Variants in CDC14B observed in about 807,000 individuals in gnomAD.
CDC14B encodes the protein cell division cycle 14B.
CDC14B carries 22 observed loss-of-function variants against 64.2 expected under a neutral mutation model. That is an observed-to-expected ratio of 0.34 (90% confidence interval 0.24 to 0.49). The LOEUF (loss-of-function observed/expected upper bound fraction) is 0.49, where lower values mean the gene tolerates loss of function less well. Ranked by LOEUF, CDC14B falls within the 20% of genes least tolerant of loss-of-function variation. The probability of loss-of-function intolerance (pLI) is 0.99; values close to 1 mark genes in which losing one functional copy is unlikely to be tolerated. For synonymous variants in CDC14B, 191 were observed against 215.8 expected, an observed-to-expected ratio of 0.89 and a Z score of 1.01; for missense variants, 498 against 629.9, an observed-to-expected ratio of 0.79 and a Z score of 2.24.
At chr9:96,517,123 T>C (rs1339244389) in intron 12 of CDC14B, among the ~76,000 whole-genome samples, 4 of 143,972 alleles carry the variant, frequency 2.8e-5, no homozygotes, top group Non-Finnish European at 4.6e-5. Flanking sequence ...GTGGATCACC[T>C]GAGGTCAGGA....
intron 9 of CDC14B, among the ~76,000 whole-genome samples, chr9:96,530,814 G>T (rs776035690): frequency 7.0e-4 from 107 of 152,060 alleles, no homozygotes; most frequent in Non-Finnish European, 1.4e-3. Flanking sequence ...TTCACATACG[G>T]TTCTTATGTT....
At chr9:96,557,811 CAAAGT>C (rs1246811597) in intron 4 of CDC14B, among the ~76,000 whole-genome samples, 1 of 152,102 alleles carries the variant, frequency 6.6e-6, no homozygotes, top group Admixed American at 6.5e-5. Flanking sequence ...TTAGCTCTAC[CAAAGT>C]AATCTATTAA....
Position 96,515,653 on chromosome 9 carries a change from GCTAT to G in CDC14B, c.1344-5868_1344-5865del, listed in dbSNP as rs1174955344. 6.4e-7 allele frequency: 1 copy of G among 1,570,136 alleles called. No homozygotes were observed. The highest frequency in any genetic ancestry group is 8.6e-7 in the Non-Finnish European group (1 of 1,158,110). On this transcript the variant is annotated intron_variant, in intron 12 of 13. Coordinates refer to ENST00000375241, the MANE Select transcript of CDC14B (RefSeq NM_033331.4). This position sits in a 1 kb window ranked among gnomAD's most constrained non-coding sequence, Gnocchi z 4.3. Reference sequence around the variant, plus strand: ...GAAACAGAACGGGACACTTACAGCAGCTATCTGTCAGGGGGTCCTGATGGCTACT... The same window carrying G: ...GAAACAGAACGGGACACTTACAGCAGCTGTCAGGGGGTCCTGATGGCTACT...
Position 96,534,534 on chromosome 9 carries a change from T to C in CDC14B, c.636A>G (p.Glu212=). The C allele has an allele frequency of 6.2e-7, 1 of 1,611,256 alleles. No individual in the cohort carries two copies. Among genetic ancestry groups the C allele is most frequent in the Non-Finnish European group, 8.5e-7 (1 of 1,177,534 alleles). Residue 212 remains glutamate (E), a synonymous_variant, in exon 8 of 14, where the codon GAA becomes GAG. Coordinates refer to ENST00000375241, the MANE Select transcript of CDC14B (RefSeq NM_033331.4). The part of the protein sequence containing the change: ...LDEYEHYEKA[E]NGDLNWIIPD... ...GTATTATCCAATTTAAATCTCCATT[T>C]TCTGCTTTCTGCAAGGGGAAGACCA...
chr9:96,494,259 G>T (rs1216069466), intron 13 of CDC14B, among the ~76,000 whole-genome samples: 1 of 152,246 alleles, frequency 6.6e-6, no homozygotes, highest in Non-Finnish European at 1.5e-5. Flanking sequence ...CTTGGGCAAA[G>T]CTGTTAGGAG....
chr9:96,600,337 G>C (rs1846352588), intron 1 of CDC14B, among the ~76,000 whole-genome samples: 1 of 151,896 alleles, frequency 6.6e-6, no homozygotes, highest in Admixed American at 6.6e-5. Flanking sequence ...GGGGTAAGAA[G>C]AACTGGACAG....
chr9:96,541,748 C>CG, intron 6 of CDC14B, 78 bp downstream of exon 6: 2 of 960,690 alleles, frequency 2.1e-6, no homozygotes, highest in South Asian at 4.5e-5. Context: ...AAAAAGATCT[C>CG]GGGAAGAAGG....
chr9:96,495,391 G>GCC (rs71499002), downstream of CDC14B, among the ~76,000 whole-genome samples: 728 of 140,140 alleles, frequency 5.2e-3, 8 homozygotes, highest in East Asian at 0.011. Flanking sequence ...CATGTGTGCT[G>GCC]CCCCCCCCCG....
At chr9:96,568,350 G>A (rs991502282) in intron 1 of CDC14B, among the ~76,000 whole-genome samples, 3 of 152,082 alleles carry the variant, frequency 2.0e-5, no homozygotes, top group Non-Finnish European at 4.4e-5. Flanking sequence ...ATACATAAAC[G>A]AAATCAAGAG....
chr9:96,515,632 C>T lies in CDC14B; in HGVS notation c.1344-5843G>A. ...CCAGAAGTAAGCAACGGCAGAGAAA[C>T]AGAACGGGACACTTACAGCAGCTAT... On this transcript the variant is annotated intron_variant, in intron 12 of 13. Transcript: ENST00000375241. The surrounding 1 kb of genome is among the most constrained non-coding windows in gnomAD (Gnocchi z 4.3). The T allele has an allele frequency of 6.4e-7, 1 of 1,550,388 alleles. No individual in the cohort carries two copies. Among genetic ancestry groups the T allele is most frequent in the Non-Finnish European group, 8.7e-7 (1 of 1,147,836 alleles).
chr9:96,527,994 C>T (rs554559821), intron 9 of CDC14B, among the ~76,000 whole-genome samples: 14 of 152,316 alleles, frequency 9.2e-5, no homozygotes, highest in African/African-American at 2.6e-4. Flanking sequence ...CTTTCTCTTA[C>T]CCCAAGTATC....
intron 1 of CDC14B, chr9:96,567,042 C>T: frequency 7.5e-6 from 9 of 1,203,958 alleles, no homozygotes; most frequent in Non-Finnish European, 1.0e-5. Context: ...GCCGTGGGGA[C>T]GGACAGCACC....
intron 1 of CDC14B, chr9:96,618,598 G>T: frequency 1.9e-6 from 1 of 532,764 alleles, no homozygotes; most frequent in Non-Finnish European, 3.8e-6. Flanking sequence ...CGAGGCCCCG[G>T]CGGGGAGCGG....
intron 1 of CDC14B, among the ~76,000 whole-genome samples, chr9:96,590,650 G>GTT (rs111524053): frequency 5.3e-4 from 74 of 140,908 alleles, no homozygotes; most frequent in African/African-American, 1.7e-3. Flanking sequence ...TTATTTCCTG[G>GTT]TTTTTTTTTT....
At chr9:96,528,522 A>C (rs1468076172) in intron 9 of CDC14B, among the ~76,000 whole-genome samples, 2 of 132,902 alleles carry the variant, frequency 1.5e-5, no homozygotes, top group African/African-American at 8.5e-5. Context: ...AGTCCATCTC[A>C]AAAAAAAGAA....
chr9:96,582,230 A>G (rs1358173916), intron 1 of CDC14B, among the ~76,000 whole-genome samples: 1 of 152,248 alleles, frequency 6.6e-6, no homozygotes. Flanking sequence ...CTTAGAAGCA[A>G]AATTTATCCA....
intron 7 of CDC14B, among the ~76,000 whole-genome samples, chr9:96,536,235 C>T (rs772193638): frequency 1.3e-5 from 2 of 152,116 alleles, no homozygotes; most frequent in African/African-American, 2.4e-5. Context: ...GAGGTGAAGA[C>T]GTTTGTGGTG....
At chr9:96,546,592 G>A (rs528378963) in intron 5 of CDC14B, among the ~76,000 whole-genome samples, 146 of 152,142 alleles carry the variant, frequency 9.6e-4, no homozygotes, top group African/African-American at 3.5e-3. Context: ...TGGGATTACA[G>A]GTGTGCACCA....
chr9:96,498,383 C>T (rs758330060), downstream of CDC14B, among the ~76,000 whole-genome samples: 15 of 152,216 alleles, frequency 9.9e-5, no homozygotes, highest in Non-Finnish European at 1.8e-4. Flanking sequence ...GGGGCAGATA[C>T]GCCCAGTGGG....
Sources: gnomAD v4.1 joint callset for allele counts (sites outside exome capture counted in the v4.1 genomes callset) on GRCh38, gnomAD v4.1.1 for gene constraint, Gnocchi (gnomAD v3.1) non-coding constraint, MANE v1.5 for transcripts, NCBI Gene and HGNC (gene_info 2026-07-23, HGNC 2026-07-21) for gene names.